The following FAF1 variants were observed in gnomAD, a reference collection of about 807,000 sequenced individuals.
FAF1 encodes the protein Fas associated factor 1.
In FAF1, 25 loss-of-function variants were observed where a neutral mutation model predicts 92.5. The observed-to-expected ratio is 0.27, with a 90% confidence interval of 0.20 to 0.38. The LOEUF is 0.38. FAF1 is among the 10% of genes least tolerant of loss of function. The probability of loss-of-function intolerance (pLI) is 1.00; values close to 1 mark genes in which losing one functional copy is unlikely to be tolerated. For synonymous variants in FAF1, 234 were observed against 273.2 expected, an observed-to-expected ratio of 0.86 and a Z score of 1.42; for missense variants, 636 against 793.3, an observed-to-expected ratio of 0.80 and a Z score of 2.38.
intron 1 of FAF1, among the ~76,000 whole-genome samples, chr1:50,945,954 G>A (rs1645169640): frequency 6.6e-6 from 1 of 152,182 alleles, no homozygotes; most frequent in Non-Finnish European, 1.5e-5. Flanking sequence ...CTTTCAGCTT[G>A]ACTAAACCAT....
chr1:50,850,721 T>C (rs1644341293), intron 2 of FAF1, among the ~76,000 whole-genome samples: 1 of 152,140 alleles, frequency 6.6e-6, no homozygotes, highest in Non-Finnish European at 1.5e-5. Context: ...ACACTTTAAT[T>C]AATATTTTAC....
chr1:50,899,087 C>A (rs762371390), intron 1 of FAF1, among the ~76,000 whole-genome samples: 1 of 151,956 alleles, frequency 6.6e-6, no homozygotes, highest in Non-Finnish European at 1.5e-5. Context: ...CTCTGGAATT[C>A]ACTAGTATAC....
intron 8 of FAF1, among the ~76,000 whole-genome samples, chr1:50,601,816 T>C (rs1209955139): frequency 6.6e-6 from 1 of 151,924 alleles, no homozygotes; most frequent in Non-Finnish European, 1.5e-5. Flanking sequence ...ACATATGAAT[T>C]AGTTCTTCAA....
intron 15 of FAF1, among the ~76,000 whole-genome samples, chr1:50,523,102 C>A (rs556515166): frequency 6.6e-6 from 1 of 152,102 alleles, no homozygotes; most frequent in African/African-American, 2.4e-5. Context: ...GTACTTCAAT[C>A]CTTTATTAAG....
chr1:50,819,676 T>A (rs1274166840), intron 2 of FAF1, among the ~76,000 whole-genome samples: 5 of 117,376 alleles, frequency 4.3e-5, no homozygotes, highest in South Asian at 2.6e-4. Context: ...ACACTCTCTC[T>A]CTGTATATAT....
chr1:50,535,767 GA>G (rs972438369), intron 14 of FAF1, among the ~76,000 whole-genome samples: 1 of 152,164 alleles, frequency 6.6e-6, no homozygotes, highest in African/African-American at 2.4e-5. Flanking sequence ...GTCAAATTAT[GA>G]AAACATATCT....
intron 2 of FAF1, among the ~76,000 whole-genome samples, chr1:50,828,795 A>T (rs1354368083): frequency 6.6e-6 from 1 of 152,206 alleles, no homozygotes; most frequent in Non-Finnish European, 1.5e-5. Context: ...AAATCAATAA[A>T]GGAAAGAATA....
At chr1:50,468,523 A>T (rs916420676) in intron 18 of FAF1, among the ~76,000 whole-genome samples, 6 of 144,552 alleles carry the variant, frequency 4.2e-5, no homozygotes, top group Admixed American at 1.4e-4. Flanking sequence ...ACAGTGGTGC[A>T]ATCTCAGCTC....
At chr1:50,547,393 G>A (rs1649077632) in intron 13 of FAF1, among the ~76,000 whole-genome samples, 1 of 151,702 alleles carries the variant, frequency 6.6e-6, no homozygotes, top group African/African-American at 2.4e-5. Context: ...TAGATTAGTA[G>A]TCAGAGTTTT....
rs61612294 is a variant in FAF1 at position 50,447,121 on chromosome 1, C to CTTTTTTTTTTTTTT, written c.1870-5612_1870-5599dup. On this transcript the variant is annotated intron_variant, in intron 18 of 18. Coordinates refer to ENST00000396153, the MANE Select transcript of FAF1 (RefSeq NM_007051.3). ...AGAGGCTTCTCAAAACATATTCCTG[C>CTTTTTTTTTTTTTT]TTTTTTTTTTTTTTTTTTTTTTGAG... Among the ~76,000 whole-genome samples the CTTTTTTTTTTTTTT allele has an allele frequency of 1.9e-4, 22 of 112,846 alleles. 1 individual carries two copies. The highest frequency in any genetic ancestry group is 6.3e-4 in the African/African-American group (17 of 26,910). The allele number at this position is 112,846 out of a possible 152,430, so 74.0% of individuals were successfully genotyped here. A position where few individuals can be genotyped will look rare whatever the true frequency, so the allele number is the denominator to read the frequency against.
At chr1:50,672,342 AGTTTTGTTTT>A (rs894100088) in intron 7 of FAF1, among the ~76,000 whole-genome samples, 25 of 151,374 alleles carry the variant, frequency 1.7e-4, no homozygotes, top group African/African-American at 5.6e-4. Context: ...CGCCCCAGCC[AGTTTTGTTTT>A]GTTTTGTTTT....
chr1:50,545,072 A>G (rs1344511234), intron 13 of FAF1, among the ~76,000 whole-genome samples: 1 of 152,174 alleles, frequency 6.6e-6, no homozygotes. Context: ...AGGCCAAAAG[A>G]TAAATAACAA....
intron 1 of FAF1, among the ~76,000 whole-genome samples, chr1:50,943,398 G>C (rs963880238): frequency 2.0e-5 from 3 of 152,038 alleles, no homozygotes; most frequent in African/African-American, 7.2e-5. Flanking sequence ...TTTCCTTTTG[G>C]CCTAAGATAT....
intron 15 of FAF1, among the ~76,000 whole-genome samples, chr1:50,514,006 T>C (rs927593294): frequency 5.3e-5 from 8 of 152,244 alleles, no homozygotes; most frequent in Non-Finnish European, 1.0e-4. Context: ...TAGCAGACTG[T>C]TATGGAATGA....
chr1:50,542,346 C>G (rs1196011735), intron 13 of FAF1, among the ~76,000 whole-genome samples: 1 of 152,176 alleles, frequency 6.6e-6, no homozygotes, highest in African/African-American at 2.4e-5. Flanking sequence ...GTACAGATGT[C>G]AAATCTTTCT....
chr1:50,827,297 T>C (rs1344156487), intron 2 of FAF1, among the ~76,000 whole-genome samples: 2 of 152,252 alleles, frequency 1.3e-5, no homozygotes, highest in Non-Finnish European at 2.9e-5. Context: ...AAAATTCTTC[T>C]GCCTTGGGAG....
chr1:50,885,168 T>A (rs755823280), intron 1 of FAF1, among the ~76,000 whole-genome samples: 16 of 152,168 alleles, frequency 1.1e-4, no homozygotes, highest in Non-Finnish European at 2.1e-4. Flanking sequence ...CTTTTCTTAG[T>A]CTGGCTAAAG....
At chr1:50,865,416 T>C (rs1453341905) in intron 1 of FAF1, among the ~76,000 whole-genome samples, 3 of 148,486 alleles carry the variant, frequency 2.0e-5, no homozygotes, top group Non-Finnish European at 4.5e-5. Flanking sequence ...CTATTCACAA[T>C]AGCAAAGACT....
At chr1:50,771,339 T>C (rs1439852088) in intron 4 of FAF1, among the ~76,000 whole-genome samples, 1 of 152,070 alleles carries the variant, frequency 6.6e-6, no homozygotes. Flanking sequence ...GAGAAAATAT[T>C]TGCAACCTAC....
Sources: allele counts gnomAD v4.1 joint callset (sites outside exome capture counted in the v4.1 genomes callset), GRCh38; gene constraint gnomAD v4.1.1; transcripts MANE v1.5; gene names NCBI Gene and HGNC (gene_info 2026-07-23, HGNC 2026-07-21).